The following ZBTB8OS variants were observed in gnomAD, a reference collection of about 807,000 sequenced individuals.
ZBTB8OS encodes the protein tRNA splicing ligase complex subunit 1, also known as tRNA-splicing ligase-activating factor archease.
A neutral mutation model predicts 29.3 loss-of-function variants in ZBTB8OS; 16 were observed. The ratio of observed to expected loss-of-function variants is 0.55; its 90% CI spans 0.37 to 0.83. ZBTB8OS has a LOEUF of 0.83. Ranked by LOEUF, ZBTB8OS falls within the 40% of genes least tolerant of loss-of-function variation. ZBTB8OS has a pLI of 0.00. For synonymous variants in ZBTB8OS, 70 were observed against 64.6 expected (o/e 1.08, Z -0.40); for missense variants, 160 against 196.9 (o/e 0.81, Z 1.12).
In ZBTB8OS at chr1:32,631,819, A is replaced by G. The variant is rs746644167; in HGVS notation, c.380+8T>C. On this transcript the variant is annotated splice_region_variant and intron_variant, in intron 5 of 6. Transcript: ENST00000468695. ...TAACTCGGTACTTAAAAGACTTTCA[A>G]AACTTACCCAATTGATCGTAATTTG... 6 of 1,590,186 alleles carry G rather than the reference A, an allele frequency of 3.8e-6. No homozygotes were observed. Among genetic ancestry groups the G allele is most frequent in the Non-Finnish European group, 4.3e-6 (5 of 1,164,094 alleles).
At chr1:32,628,110 C>T (rs909231392) in intron 5 of ZBTB8OS, among the ~76,000 whole-genome samples, 2 of 151,050 alleles carry the variant, frequency 1.3e-5, no homozygotes, top group African/African-American at 4.9e-5. Context: ...TTTGGGAGGC[C>T]GAAGCAGGTG....
At chr1:32,623,594 C>G (rs529761992) in intron 6 of ZBTB8OS, among the ~76,000 whole-genome samples, 1 of 152,164 alleles carries the variant, frequency 6.6e-6, no homozygotes, top group African/African-American at 2.4e-5. Context: ...AGAAGGCCAA[C>G]TCCCATACGT....
chr1:32,648,963 CTTTT>C (rs34143853), intron 1 of ZBTB8OS, among the ~76,000 whole-genome samples: 1 of 58,750 alleles, frequency 1.7e-5, no homozygotes. Context: ...AGCACCAGGC[CTTTT>C]TTTTTTTTTT....
At chr1:32,623,085 T>A (rs1457270206) in intron 6 of ZBTB8OS, among the ~76,000 whole-genome samples, 2 of 152,290 alleles carry the variant, frequency 1.3e-5, no homozygotes, top group Admixed American at 1.3e-4. Context: ...CCAAAAGGAA[T>A]CTACAATAAT....
chr1:32,622,714 A>G (rs1331168915), intron 6 of ZBTB8OS, among the ~76,000 whole-genome samples: 1 of 152,058 alleles, frequency 6.6e-6, no homozygotes, highest in Non-Finnish European at 1.5e-5. Flanking sequence ...ATGAACCTAA[A>G]AATAAAAGTT....
Position 32,621,607 on chromosome 1 carries a change from C to A in ZBTB8OS, c.*255G>T. 2.4e-6 allele frequency: 1 copy of A among 422,734 alleles called. No homozygotes were observed. 26.2% of individuals were successfully genotyped at this position (422,734 alleles called of 1,614,324 possible). ...AGGGCATGAGGCACACCTACTGCCA[C>A]AGCAGAGAATCAAAGGACCATAACT... On this transcript the variant is annotated 3_prime_UTR_variant, in exon 7 of 7. Coordinates refer to ENST00000468695, the MANE Select transcript of ZBTB8OS (RefSeq NM_178547.5).
chr1:32,644,526 T>C (rs786296), intron 1 of ZBTB8OS, among the ~76,000 whole-genome samples: 9,789 of 149,056 alleles, frequency 0.066, 403 homozygotes, highest in Non-Finnish European at 0.089. Context: ...AATGTTCTTT[T>C]CTTTTTCCTT....
At chr1:32,647,917 G>T (rs977421424) in intron 1 of ZBTB8OS, among the ~76,000 whole-genome samples, 1 of 152,082 alleles carries the variant, frequency 6.6e-6, no homozygotes, top group Non-Finnish European at 1.5e-5. Context: ...ACCCCCGTTG[G>T]TGGAAAAACT....
At chr1:32,650,799 G>A (rs2148506614), upstream of ZBTB8OS, 1 of 548,602 alleles carries the variant, frequency 1.8e-6, no homozygotes, top group South Asian at 2.5e-5. Flanking sequence ...AATGAAACCC[G>A]TCTGGGTCTG....
At position 32,633,561 on chromosome 1, in the gene ZBTB8OS, T is replaced by A. The variant is rs1645734307; in HGVS notation, c.327+84A>T. ...TTGTATGGATTGGTTTTGTTTCACA[T>A]GTCCTATTTTAAATCATCTGTTCTA... is the stretch of plus-strand genomic sequence containing the variant. On this transcript the variant is annotated intron_variant, in intron 4 of 6. Transcript: ENST00000468695. 5 of 1,008,296 alleles carry A rather than the reference T, an allele frequency of 5.0e-6. No individual in the cohort carries two copies. The East Asian group carries it at 1.2e-4, about 24-fold the overall frequency. The allele number at this position is 1,008,296 out of a possible 1,614,324, so 62.5% of individuals were successfully genotyped here. A position where few individuals can be genotyped will look rare whatever the true frequency, so the allele number is the denominator to read the frequency against.
intron 1 of ZBTB8OS, among the ~76,000 whole-genome samples, chr1:32,636,576 T>A (rs1031119595): frequency 6.6e-6 from 1 of 151,124 alleles, no homozygotes; most frequent in Admixed American, 6.6e-5. Context: ...TGTAAACCCA[T>A]CTACTCAGGA....
At chr1:32,648,292 T>G (rs1367021140) in intron 1 of ZBTB8OS, among the ~76,000 whole-genome samples, 1 of 152,208 alleles carries the variant, frequency 6.6e-6, no homozygotes, top group Admixed American at 6.6e-5. Flanking sequence ...TAGAGAGCAA[T>G]TTGGCAATAA....
chr1:32,631,956 TG>T (rs1461837927), intron 4 of ZBTB8OS, 77 bp from the exon 5 acceptor site: 1 of 848,086 alleles, frequency 1.2e-6, no homozygotes, highest in African/African-American at 1.8e-5. Context: ...TGTTCTGTTT[TG>T]TTTTTTTGGA....
At chr1:32,625,849 G>GTC (rs1294063594) in intron 6 of ZBTB8OS, among the ~76,000 whole-genome samples, 2 of 151,960 alleles carry the variant, frequency 1.3e-5, no homozygotes, top group Admixed American at 1.3e-4. Flanking sequence ...TATGATGGTG[G>GTC]TCTGAGAAGA....
chr1:32,629,231 C>T lies in ZBTB8OS; in HGVS notation c.381-1687G>A, dbSNP rs549473064. Among the ~76,000 whole-genome samples the T allele has an allele frequency of 9.1e-4, 137 of 151,096 alleles. 1 individual carries two copies. Among genetic ancestry groups the T allele is most frequent in the African/African-American group, 3.2e-3 (130 of 40,884 alleles). On this transcript the variant is annotated intron_variant, in intron 5 of 6. Coordinates refer to ENST00000468695, the MANE Select transcript of ZBTB8OS (RefSeq NM_178547.5). Reference sequence around the variant, plus strand: ...TTTGAGACCAGCCTGGGCAATGTAGCGAGACCCTGTCTCTACAAAAGATTA... The same window carrying T: ...TTTGAGACCAGCCTGGGCAATGTAGTGAGACCCTGTCTCTACAAAAGATTA...
intron 5 of ZBTB8OS, among the ~76,000 whole-genome samples, chr1:32,628,592 T>C (rs1022055612): frequency 6.0e-5 from 9 of 149,858 alleles, no homozygotes; most frequent in Admixed American, 4.7e-4. Context: ...GCTGAGATCA[T>C]GCCACTGCAC....
chr1:32,631,354 C>CAAAAAAAAA (rs560515421), intron 5 of ZBTB8OS, among the ~76,000 whole-genome samples: 4 of 62,928 alleles, frequency 6.4e-5, no homozygotes, highest in Admixed American at 1.8e-4. Context: ...GACCCTGTAT[C>CAAAAAAAAA]AAAAAAAAAA....
intron 5 of ZBTB8OS, among the ~76,000 whole-genome samples, 171 bp downstream of exon 5, chr1:32,631,656 T>G (rs771742562): frequency 2.6e-5 from 4 of 152,176 alleles, no homozygotes; most frequent in Non-Finnish European, 4.4e-5. Flanking sequence ...ATTTAACAAT[T>G]AAAATCAACT....
In ZBTB8OS at chr1:32,621,255, C is replaced by T. The variant is rs1444832176; in HGVS notation, c.*607G>A. 3 of 152,200 alleles carry T rather than the reference C, an allele frequency of 2.0e-5. No homozygotes were observed. Among genetic ancestry groups the T allele is most frequent in the African/African-American group, 4.8e-5 (2 of 41,392 alleles). The allele number at this position is 152,200 out of a possible 1,614,324, so 9.4% of individuals were successfully genotyped here. ...CTCTACTAAAGATACAAAAATTAGCCGGGCATGGTGGCGGGTGCCTATAGT... is the reference window on the plus strand; with the variant it reads ...CTCTACTAAAGATACAAAAATTAGCTGGGCATGGTGGCGGGTGCCTATAGT... On this transcript the variant is annotated 3_prime_UTR_variant, in exon 7 of 7. Transcript: ENST00000468695.
Sources: gnomAD v4.1 joint callset for allele counts (sites outside exome capture counted in the v4.1 genomes callset) on GRCh38, gnomAD v4.1.1 for gene constraint, MANE v1.5 for transcripts, NCBI Gene and HGNC (gene_info 2026-07-23, HGNC 2026-07-21) for gene names.